Variants in TAFA2 observed in about 807,000 individuals in gnomAD.
TAFA2 encodes TAFA chemokine like family member 2.
A neutral mutation model predicts 18.8 loss-of-function variants in TAFA2; 7 were observed. The observed-to-expected ratio is 0.37, with a 90% CI of 0.21 to 0.70. The LOEUF (loss-of-function observed/expected upper bound fraction) is 0.70. Among genes scored for constraint, TAFA2 ranks in the 30% least tolerant of loss-of-function variants. The pLI, the probability that TAFA2 is intolerant of heterozygous loss-of-function variation, is 0.53. For synonymous variants in TAFA2, 60 were observed against 54.2 expected, an observed-to-expected ratio of 1.11 and a Z score of -0.47; for missense variants, 122 against 158.1, an observed-to-expected ratio of 0.77 and a Z score of 1.23.
intron 1 of TAFA2, among the ~76,000 whole-genome samples, chr12:62,102,919 A>C (rs1157218024): frequency 2.0e-5 from 3 of 152,188 alleles, no homozygotes; most frequent in Non-Finnish European, 4.4e-5. Flanking sequence ...TCAGCAGTCT[A>C]CTACAGTCTC....
intron 1 of TAFA2, among the ~76,000 whole-genome samples, chr12:62,063,199 G>A (rs1048959905): frequency 6.6e-6 from 1 of 152,158 alleles, no homozygotes; most frequent in Non-Finnish European, 1.5e-5. Context: ...CTCTATGGTG[G>A]TCCTTCAGCA....
chr12:61,823,904 C>T (rs1257069312), intron 2 of TAFA2, among the ~76,000 whole-genome samples: 2 of 152,126 alleles, frequency 1.3e-5, no homozygotes, highest in East Asian at 3.9e-4. Context: ...CCCTAAGATA[C>T]CCAACACCAA....
At chr12:62,052,132 T>C (rs989995732) in intron 1 of TAFA2, among the ~76,000 whole-genome samples, 1 of 152,034 alleles carries the variant, frequency 6.6e-6, no homozygotes, top group Non-Finnish European at 1.5e-5. Context: ...GCCTCTGACA[T>C]TTACCAATGT....
At chr12:62,030,117 C>T (rs1218936504) in intron 1 of TAFA2, among the ~76,000 whole-genome samples, 1 of 152,062 alleles carries the variant, frequency 6.6e-6, no homozygotes, top group Non-Finnish European at 1.5e-5. Flanking sequence ...TCAGCCACTG[C>T]TGAGGAGGAA....
chr12:62,174,081 C>T (rs1435791357), intron 1 of TAFA2, among the ~76,000 whole-genome samples: 2 of 152,164 alleles, frequency 1.3e-5, no homozygotes, highest in Non-Finnish European at 2.9e-5. Flanking sequence ...CGCTTGAGGC[C>T]AGGAGTTCAA....
At chr12:61,728,289 G>C (rs1592348644) in intron 4 of TAFA2, among the ~76,000 whole-genome samples, 3 of 152,016 alleles carry the variant, frequency 2.0e-5, no homozygotes, top group Admixed American at 2.0e-4. Flanking sequence ...TTGACTTTCT[G>C]TCTTAATGAC....
intron 2 of TAFA2, among the ~76,000 whole-genome samples, chr12:61,844,487 A>C (rs1873320457): frequency 6.6e-6 from 1 of 152,144 alleles, no homozygotes; most frequent in Admixed American, 6.6e-5. Context: ...TAATTCTTTG[A>C]GATACAGAAA....
At chr12:61,962,463 G>T (rs1326359991) in intron 1 of TAFA2, among the ~76,000 whole-genome samples, 5 of 151,842 alleles carry the variant, frequency 3.3e-5, no homozygotes, top group African/African-American at 7.2e-5. Context: ...TGCTTATTTG[G>T]TTTTTGCTTA....
rs1291593391 is a variant in TAFA2 at position 62,010,959 on chromosome 12, C to T, written c.-1-143533G>A. 5.9e-4 allele frequency among the ~76,000 whole-genome samples: 64 copies of T among 109,192 alleles called. 6 individuals carry two copies. Among genetic ancestry groups the T allele is most frequent in the African/African-American group, 2.2e-3 (56 of 25,492 alleles). The allele number at this position is 109,192 out of a possible 152,430, so 71.6% of individuals were successfully genotyped here. A position where few individuals can be genotyped will look rare whatever the true frequency, so the allele number is the denominator to read the frequency against. On this transcript the variant is annotated intron_variant, in intron 1 of 4. Coordinates refer to ENST00000416284, the MANE Select transcript of TAFA2 (RefSeq NM_178539.5). The stretch of plus-strand genomic sequence containing the variant: ...GGAGCGCCTCTGCCCGGCCGCCCTT[C>T]GTCTGGGAGGTGGGGGGCGCCTCTG...
At chr12:62,092,640 C>T (rs1429970489) in intron 1 of TAFA2, among the ~76,000 whole-genome samples, 1 of 151,956 alleles carries the variant, frequency 6.6e-6, no homozygotes, top group African/African-American at 2.4e-5. Context: ...TTCTAATAAC[C>T]CCAATGTCTA....
intron 1 of TAFA2, among the ~76,000 whole-genome samples, chr12:62,005,551 A>G (rs1880518056): frequency 6.6e-6 from 1 of 152,138 alleles, no homozygotes; most frequent in Non-Finnish European, 1.5e-5. Context: ...AGAAACTTTA[A>G]TATGAAATTT....
intron 1 of TAFA2, among the ~76,000 whole-genome samples, chr12:62,168,376 C>A (rs1009805944): frequency 3.3e-5 from 5 of 152,184 alleles, no homozygotes; most frequent in African/African-American, 1.2e-4. Flanking sequence ...CTTGTTTGAA[C>A]TACCAATTAA....
chr12:61,942,473 GAGA>G (rs1265378233), intron 1 of TAFA2, among the ~76,000 whole-genome samples: 5 of 149,116 alleles, frequency 3.4e-5, no homozygotes, highest in East Asian at 2.0e-4. Context: ...GACGAGCTGA[GAGA>G]AGAAGGCTTC....
At chr12:62,022,913 A>AGCAATCACAAACCTGAACC in intron 1 of TAFA2, among the ~76,000 whole-genome samples, 1 of 152,312 alleles carries the variant, frequency 6.6e-6, no homozygotes, top group East Asian at 1.9e-4. Context: ...CAACCATACC[A>AGCAATCACAAACCTGAACC]GCAATCACAA....
At chr12:62,043,262 A>C (rs970286835) in intron 1 of TAFA2, among the ~76,000 whole-genome samples, 3 of 152,208 alleles carry the variant, frequency 2.0e-5, no homozygotes, top group African/African-American at 7.2e-5. Flanking sequence ...GCACATATAC[A>C]CCATGGAATA....
intron 1 of TAFA2, chr12:61,879,539 G>A: frequency 1.4e-6 from 1 of 724,590 alleles, no homozygotes; most frequent in South Asian, 1.5e-5. Flanking sequence ...AGCCTGCTGA[G>A]GCCCCTTAAC....
At chr12:62,057,161 T>C (rs1882209489) in intron 1 of TAFA2, among the ~76,000 whole-genome samples, 1 of 152,256 alleles carries the variant, frequency 6.6e-6, no homozygotes, top group African/African-American at 2.4e-5. Flanking sequence ...TCAATGCTCA[T>C]AAAATGTTTC....
chr12:61,932,594 C>T (rs2121398464), intron 1 of TAFA2, among the ~76,000 whole-genome samples: 1 of 152,272 alleles, frequency 6.6e-6, no homozygotes, highest in African/African-American at 2.4e-5. Context: ...CACCCCCCTC[C>T]ACCACGCCCA....
chr12:61,769,450 A>C (rs545405156), intron 2 of TAFA2, among the ~76,000 whole-genome samples: 155 of 152,058 alleles, frequency 1.0e-3, no homozygotes, highest in Non-Finnish European at 1.8e-3. Flanking sequence ...CATTGCATTA[A>C]AAAAAACTAC....
Sources: gnomAD v4.1 joint callset for allele counts (sites outside exome capture counted in the v4.1 genomes callset) on GRCh38, gnomAD v4.1.1 for gene constraint, MANE v1.5 for transcripts, NCBI Gene and HGNC (gene_info 2026-07-23, HGNC 2026-07-21) for gene names.